The following CDH4 variants were observed in gnomAD, a reference collection of about 807,000 sequenced individuals.
The protein encoded by CDH4 is cadherin-4.
A neutral mutation model predicts 86.0 loss-of-function variants in CDH4; 33 were observed. The ratio of observed to expected loss-of-function variants is 0.38; its 90% CI spans 0.29 to 0.51. CDH4 has a LOEUF of 0.51. Among genes scored for constraint, CDH4 ranks in the 20% least tolerant of loss-of-function variants. The pLI, the probability that CDH4 is intolerant of heterozygous loss-of-function variation, is 0.86. For synonymous variants in CDH4, 555 were observed against 549.4 expected (o/e 1.01, Z -0.14); for missense variants, 1,114 against 1,307.4 (o/e 0.85, Z 2.28).
chr20:61,794,537 GAA>G (rs1296627625), intron 4 of CDH4, among the ~76,000 whole-genome samples: 2 of 152,204 alleles, frequency 1.3e-5, no homozygotes, highest in African/African-American at 4.8e-5. Context: ...AGTGGGAAGA[GAA>G]AGGCCACTGG....
At chr20:61,571,956 C>T (rs192239468) in intron 2 of CDH4, among the ~76,000 whole-genome samples, 1 of 152,160 alleles carries the variant, frequency 6.6e-6, no homozygotes. Flanking sequence ...GGCACAGAGA[C>T]TTCAGTTCCC....
chr20:61,450,103 G>T (rs946648701), intron 2 of CDH4, among the ~76,000 whole-genome samples: 9 of 152,326 alleles, frequency 5.9e-5, no homozygotes, highest in African/African-American at 1.9e-4. Flanking sequence ...TGACAATGAT[G>T]TCATTACAAT....
intron 2 of CDH4, among the ~76,000 whole-genome samples, chr20:61,600,567 T>C (rs1477266289): frequency 2.0e-5 from 3 of 152,114 alleles, no homozygotes; most frequent in Non-Finnish European, 4.4e-5. Flanking sequence ...GCGCAGTGCC[T>C]CAGCCCAGGA....
chr20:61,739,963 G>A (rs752689189), intron 2 of CDH4, among the ~76,000 whole-genome samples: 45 of 152,196 alleles, frequency 3.0e-4, no homozygotes, highest in African/African-American at 8.7e-4. Context: ...CTCTGTACAC[G>A]GAGACCCTCA....
intron 2 of CDH4, among the ~76,000 whole-genome samples, chr20:61,396,618 C>T (rs1342643351): frequency 1.3e-5 from 2 of 152,210 alleles, no homozygotes; most frequent in South Asian, 2.1e-4. Context: ...AGACCTGGCC[C>T]GGCTTCCTTG....
intron 2 of CDH4, among the ~76,000 whole-genome samples, chr20:61,355,558 C>T (rs2084744263): frequency 6.6e-6 from 1 of 152,192 alleles, no homozygotes; most frequent in South Asian, 2.1e-4. Flanking sequence ...TGCCAAGGGA[C>T]GGTTATCTCA....
At chr20:61,826,215 G>C (rs988773637) in intron 4 of CDH4, among the ~76,000 whole-genome samples, 1 of 152,084 alleles carries the variant, frequency 6.6e-6, no homozygotes, top group Non-Finnish European at 1.5e-5. Context: ...GTCTCCCTGG[G>C]CCTCTTGGGC....
intron 5 of CDH4, among the ~76,000 whole-genome samples, chr20:61,847,042 A>AGG (rs1419676732): frequency 2.0e-4 from 31 of 152,330 alleles, no homozygotes; most frequent in African/African-American, 7.5e-4. Flanking sequence ...GGTGACCTGC[A>AGG]CCAGCAGAAG....
At chr20:61,273,449 TTTGGGGGAGGACCATGTGCAG>T (rs2084198949) in intron 2 of CDH4, among the ~76,000 whole-genome samples, 1 of 44,802 alleles carries the variant, frequency 2.2e-5, no homozygotes, top group African/African-American at 8.7e-5. Flanking sequence ...CCATGTGCAG[TTTGGGGGAGGACCATGTGCAG>T]TTTGGGGGAG....
chr20:61,469,645 C>A (rs2145567311), intron 2 of CDH4, among the ~76,000 whole-genome samples: 1 of 152,260 alleles, frequency 6.6e-6, no homozygotes, highest in East Asian at 1.9e-4. Context: ...AGTCCAGTGT[C>A]TTGGAAAGTT....
At chr20:61,777,378 C>T (rs1414589913) in intron 4 of CDH4, among the ~76,000 whole-genome samples, 2 of 152,240 alleles carry the variant, frequency 1.3e-5, no homozygotes, top group Non-Finnish European at 2.9e-5. Context: ...ACTGCCTGTC[C>T]TGGCTCTCAG....
intron 2 of CDH4, among the ~76,000 whole-genome samples, chr20:61,304,927 C>A (rs114137172): frequency 0.012 from 1,786 of 149,672 alleles, 37 homozygotes; most frequent in African/African-American, 0.042. Flanking sequence ...GTGTGTTGTA[C>A]ATGCAGTGTA....
chr20:61,622,022 G>A (rs577322367), intron 2 of CDH4, among the ~76,000 whole-genome samples: 8 of 152,324 alleles, frequency 5.3e-5, no homozygotes, highest in East Asian at 3.9e-4. Context: ...AATCTGTGCC[G>A]ATCGCCTCAC....
intron 4 of CDH4, among the ~76,000 whole-genome samples, chr20:61,808,500 TA>T (rs1840991261): frequency 6.6e-6 from 1 of 152,074 alleles, no homozygotes. Flanking sequence ...CTCTAGATCT[TA>T]ATGATGTGTA....
intron 2 of CDH4, among the ~76,000 whole-genome samples, chr20:61,441,858 A>G (rs551539993): frequency 6.6e-6 from 1 of 152,158 alleles, no homozygotes; most frequent in Non-Finnish European, 1.5e-5. Flanking sequence ...CCTAACAACA[A>G]GAAGAGCCAG....
chr20:61,575,024 G>A (rs2086372138), intron 2 of CDH4, among the ~76,000 whole-genome samples: 1 of 152,202 alleles, frequency 6.6e-6, no homozygotes, highest in Admixed American at 6.5e-5. Flanking sequence ...GCGGCACAGG[G>A]TCTGAGCTCG....
chr20:61,907,207 TCAGCTCCTAGACTCA>T (rs1457293480), intron 8 of CDH4, among the ~76,000 whole-genome samples: 1 of 151,518 alleles, frequency 6.6e-6, no homozygotes, highest in Non-Finnish European at 1.5e-5. Context: ...GGGCACCAGG[TCAGCTCCTAGACTCA>T]CAGCAACACG....
chr20:61,637,274 CG>C (rs2086957550), intron 2 of CDH4, among the ~76,000 whole-genome samples: 1 of 152,170 alleles, frequency 6.6e-6, no homozygotes, highest in Non-Finnish European at 1.5e-5. Flanking sequence ...GTTTATCACA[CG>C]GGTGTATCTG....
At chr20:61,464,246 G>T (rs2085460860) in intron 2 of CDH4, among the ~76,000 whole-genome samples, 1 of 152,180 alleles carries the variant, frequency 6.6e-6, no homozygotes, top group Non-Finnish European at 1.5e-5. Context: ...CAAAAGGAAG[G>T]CCACAGTATT....
Sources: gnomAD v4.1 joint callset for allele counts (sites outside exome capture counted in the v4.1 genomes callset) on GRCh38, gnomAD v4.1.1 for gene constraint, MANE v1.5 for transcripts, NCBI Gene and HGNC (gene_info 2026-07-23, HGNC 2026-07-21) for gene names.